TRIO: variants seen among roughly 807,000 people sequenced by gnomAD.
TRIO encodes the protein triple functional domain protein.
Under a neutral mutation model 351.9 loss-of-function variants are expected in TRIO, and 58 were observed. That is an observed-to-expected ratio of 0.16 (90% CI 0.13 to 0.21). TRIO has a LOEUF of 0.21. Among genes scored for constraint, TRIO ranks in the 10% least tolerant of loss-of-function variants. The pLI, the probability that TRIO is intolerant of heterozygous loss-of-function variation, is 1.00. For synonymous variants in TRIO, 1,758 were observed against 1,595.7 expected, an observed-to-expected ratio of 1.10 and a Z score of -2.42; for missense variants, 3,201 against 4,027.8, an observed-to-expected ratio of 0.79 and a Z score of 5.56.
rs536513419 is a variant in TRIO at position 14,250,942 on chromosome 5, A to G, written c.158-19883A>G. Among the ~76,000 whole-genome samples, 12 of 152,300 alleles carry G rather than the reference A, an allele frequency of 7.9e-5. No individual in the cohort carries two copies. The East Asian group carries it at 2.1e-3, about 27-fold the overall frequency. On this transcript the variant is annotated intron_variant, in intron 1 of 56. Transcript: ENST00000344204. ...GGAAGCTGCGGCCAGGAGAGGTGAA[A>G]TGATTTGCTCAGGCCCTTCCATGTC...
chr5:14,494,107 A>G (rs563858027), intron 49 of TRIO, among the ~76,000 whole-genome samples: 1 of 152,360 alleles, frequency 6.6e-6, no homozygotes, highest in Non-Finnish European at 1.5e-5. Context: ...CTTTAAGTTG[A>G]ACCCAGTCGC....
At chr5:14,359,777 C>T (rs992613179) in intron 13 of TRIO, among the ~76,000 whole-genome samples, 1 of 152,234 alleles carries the variant, frequency 6.6e-6, no homozygotes, top group Admixed American at 6.5e-5. Context: ...AGGCAGCTCG[C>T]GTGGCAGGAG....
At chr5:14,176,476 A>T (rs1789413817) in intron 1 of TRIO, among the ~76,000 whole-genome samples, 1 of 152,170 alleles carries the variant, frequency 6.6e-6, no homozygotes, top group Non-Finnish European at 1.5e-5. Flanking sequence ...TCTCAAAAAA[A>T]AAACAACAGA....
chr5:14,177,227 C>T (rs1488157248), intron 1 of TRIO, among the ~76,000 whole-genome samples: 1 of 152,092 alleles, frequency 6.6e-6, no homozygotes, highest in Non-Finnish European at 1.5e-5. Context: ...TGAGAAAACT[C>T]TTACAAGCCA....
chr5:14,363,670 A>C (rs1459310474), intron 13 of TRIO, 62 bp from the exon 14 acceptor site: 5 of 1,500,604 alleles, frequency 3.3e-6, no homozygotes, highest in Admixed American at 1.8e-5. Context: ...CTTACTTGGT[A>C]CAGAGTGAGA....
chr5:14,303,520 G>T lies in TRIO; in HGVS notation c.1369-941G>T, dbSNP rs569399567. Among the ~76,000 whole-genome samples the T allele has an allele frequency of 1.8e-4, 28 of 151,458 alleles. No homozygotes were observed. The East Asian group carries it at 5.3e-3, about 29-fold the overall frequency. On this transcript the variant is annotated intron_variant, in intron 7 of 56. Transcript: ENST00000344204. ...GTGGCAGTGGAGGAGATTGAGCCAG[G>T]ATTGGGATGGCTGCCACAGGACTGT...
At chr5:14,315,321 C>T (rs1480124120) in intron 8 of TRIO, among the ~76,000 whole-genome samples, 5 of 150,208 alleles carry the variant, frequency 3.3e-5, no homozygotes, top group East Asian at 2.0e-4. Context: ...CACACGATCT[C>T]GGCTCACTGC....
chr5:14,220,601 C>G (rs1048675009), intron 1 of TRIO, among the ~76,000 whole-genome samples: 2 of 152,120 alleles, frequency 1.3e-5, no homozygotes, highest in Non-Finnish European at 2.9e-5. Flanking sequence ...AGTGCTACTC[C>G]AGTGAACACA....
chr5:14,269,026 A>C (rs7700787), intron 1 of TRIO, among the ~76,000 whole-genome samples: 22,744 of 152,202 alleles, frequency 0.15, 2,038 homozygotes, highest in East Asian at 0.38. Context: ...ACTGTTTTCA[A>C]AGCTTGGTGG....
At chr5:14,491,941 G>A (rs1314212792) in intron 48 of TRIO, among the ~76,000 whole-genome samples, 1 of 152,200 alleles carries the variant, frequency 6.6e-6, no homozygotes, top group Non-Finnish European at 1.5e-5. Context: ...TCGTATTGCT[G>A]GAGACAGAGT....
chr5:14,194,782 CT>C (rs1790670426), intron 1 of TRIO, among the ~76,000 whole-genome samples: 1 of 152,172 alleles, frequency 6.6e-6, no homozygotes, highest in African/African-American at 2.4e-5. Context: ...ATGCATACGT[CT>C]TTTAATTTTG....
intron 33 of TRIO, 126 bp from the exon 34 acceptor site, chr5:14,419,652 C>A: frequency 1.5e-6 from 2 of 1,332,040 alleles, no homozygotes; most frequent in Non-Finnish European, 2.1e-6. Flanking sequence ...GATCACACAA[C>A]CTCGGAGCAC....
chr5:14,500,902 A>C lies in TRIO; in HGVS notation c.8333-1677A>C, dbSNP rs1049386841. Among the ~76,000 whole-genome samples, 13 of 151,066 alleles carry C rather than the reference A, an allele frequency of 8.6e-5. 1 individual carries two copies. Among genetic ancestry groups the C allele is most frequent in the African/African-American group, 2.9e-4 (12 of 41,188 alleles). The stretch of plus-strand genomic sequence containing the variant: ...AGACTCTGCCTCAAAAAAAAAAAAA[A>C]AAAAAAAAAAACACACAGGGAAAAA... On this transcript the variant is annotated intron_variant, in intron 53 of 56. Transcript: ENST00000344204.
At chr5:14,178,662 A>G (rs765923433) in intron 1 of TRIO, among the ~76,000 whole-genome samples, 1 of 152,190 alleles carries the variant, frequency 6.6e-6, no homozygotes, top group Non-Finnish European at 1.5e-5. Flanking sequence ...TTCATAATTC[A>G]GTATGTAGAG....
At chr5:14,437,701 A>G in intron 34 of TRIO, among the ~76,000 whole-genome samples, 1 of 114,740 alleles carries the variant, frequency 8.7e-6, no homozygotes, top group African/African-American at 3.6e-5. Context: ...CCCCGCCCCA[A>G]GGACCTCATT....
chr5:14,501,089 A>C (rs567180557), intron 53 of TRIO, among the ~76,000 whole-genome samples: 148 of 151,926 alleles, frequency 9.7e-4, no homozygotes, highest in Non-Finnish European at 1.2e-3. Context: ...GAAAAAAAAA[A>C]CACCAAGCCC....
At chr5:14,332,014 G>A (rs1740944471) in intron 10 of TRIO, among the ~76,000 whole-genome samples, 1 of 152,166 alleles carries the variant, frequency 6.6e-6, no homozygotes, top group Non-Finnish European at 1.5e-5. Context: ...TAAAAGTTAT[G>A]ATTAAAACAG....
At chr5:14,178,690 G>C (rs768562158) in intron 1 of TRIO, among the ~76,000 whole-genome samples, 5 of 152,136 alleles carry the variant, frequency 3.3e-5, no homozygotes, top group African/African-American at 7.2e-5. Context: ...GTCATGTGAA[G>C]ATATTTATGA....
intron 34 of TRIO, among the ~76,000 whole-genome samples, chr5:14,453,054 C>CT (rs1486112900): frequency 3.9e-5 from 6 of 152,232 alleles, no homozygotes; most frequent in African/African-American, 1.4e-4. Context: ...TCTGCTTTCT[C>CT]TTCTTTCTTT....
Sources: gnomAD v4.1 joint callset for allele counts (sites outside exome capture counted in the v4.1 genomes callset) on GRCh38, gnomAD v4.1.1 for gene constraint, MANE v1.5 for transcripts, NCBI Gene and HGNC (gene_info 2026-07-23, HGNC 2026-07-21) for gene names.